PABPC4L: variants seen among roughly 807,000 people sequenced by gnomAD.
The protein encoded by PABPC4L is poly(A) binding protein cytoplasmic 4 like.
For synonymous variants in PABPC4L, 169 were observed against 164.1 expected, an observed-to-expected ratio of 1.03 and a Z score of -0.23; for missense variants, 452 against 451.4, an observed-to-expected ratio of 1.00 and a Z score of -0.01.
the PABPC4L span, among the ~76,000 whole-genome samples, chr4:133,957,563 C>T: frequency 7.6e-4 from 116 of 152,312 alleles, no homozygotes; most frequent in Non-Finnish European, 1.6e-3. Flanking sequence ...CCTCTTCTTA[C>T]AGCCCCACTA....
the PABPC4L span, among the ~76,000 whole-genome samples, chr4:134,180,060 A>G: frequency 1.3e-5 from 2 of 152,130 alleles, no homozygotes; most frequent in African/African-American, 4.8e-5. Context: ...ATACACATCA[A>G]CAGGACTCTT....
chr4:134,089,389 A>G, the PABPC4L span, among the ~76,000 whole-genome samples: 2 of 152,106 alleles, frequency 1.3e-5, no homozygotes, highest in African/African-American at 4.8e-5. Context: ...GATGAACTAC[A>G]TCCACACATC....
At chr4:134,048,521 G>A in the PABPC4L span, among the ~76,000 whole-genome samples, 8 of 152,210 alleles carry the variant, frequency 5.3e-5, no homozygotes, top group African/African-American at 1.9e-4. Context: ...ACAGGTGAGG[G>A]TAGAAGAAAC....
chr4:134,076,534 A>G, the PABPC4L span, among the ~76,000 whole-genome samples: 1 of 152,154 alleles, frequency 6.6e-6, no homozygotes, highest in South Asian at 2.1e-4. Flanking sequence ...GGAGTCAGGA[A>G]AAGGAAGGAG....
At chr4:133,981,850 G>C in the PABPC4L span, among the ~76,000 whole-genome samples, 1 of 151,748 alleles carries the variant, frequency 6.6e-6, no homozygotes, top group Admixed American at 6.6e-5. Flanking sequence ...CAGCTTTTTG[G>C]ATATTACAAA....
the PABPC4L span, among the ~76,000 whole-genome samples, chr4:134,021,534 T>G: frequency 6.6e-6 from 1 of 152,136 alleles, no homozygotes; most frequent in Non-Finnish European, 1.5e-5. Context: ...GGAGCTCCAA[T>G]CAGTTTACAG....
the PABPC4L span, among the ~76,000 whole-genome samples, chr4:134,126,093 C>A: frequency 3.3e-5 from 5 of 151,952 alleles, no homozygotes; most frequent in African/African-American, 9.7e-5. Context: ...ATAACATTAC[C>A]ATTTTATTTC....
At chr4:133,959,435 T>G in the PABPC4L span, among the ~76,000 whole-genome samples, 1 of 152,178 alleles carries the variant, frequency 6.6e-6, no homozygotes, top group Non-Finnish European at 1.5e-5. Context: ...AATGTGAGTA[T>G]GCAAGGGAAG....
chr4:133,953,086 G>A, the PABPC4L span, among the ~76,000 whole-genome samples: 2 of 152,050 alleles, frequency 1.3e-5, no homozygotes, highest in African/African-American at 2.4e-5. Context: ...AAGAACCACT[G>A]ATACCCCTAT....
chr4:134,111,676 C>T, the PABPC4L span, among the ~76,000 whole-genome samples: 178 of 151,950 alleles, frequency 1.2e-3, 2 homozygotes, highest in East Asian at 0.031. Flanking sequence ...TTCTCGTGAT[C>T]GTTAATAAGT....
At chr4:134,169,356 C>T in the PABPC4L span, among the ~76,000 whole-genome samples, 5 of 151,950 alleles carry the variant, frequency 3.3e-5, no homozygotes, top group Non-Finnish European at 7.4e-5. Flanking sequence ...TACTGAAAAA[C>T]TGAAAGCCTT....
chr4:134,054,673 C>T, the PABPC4L span, among the ~76,000 whole-genome samples: 35 of 151,760 alleles, frequency 2.3e-4, no homozygotes, highest in African/African-American at 8.0e-4. Context: ...TTTTTTTCAC[C>T]AAGTATAATG....
the PABPC4L span, among the ~76,000 whole-genome samples, chr4:133,950,371 G>A: frequency 3.9e-5 from 6 of 152,128 alleles, no homozygotes; most frequent in South Asian, 2.1e-4. Flanking sequence ...GTCTTAACCC[G>A]GGAGGTTTTC....
chr4:134,044,421 G>A, the PABPC4L span, among the ~76,000 whole-genome samples: 2 of 151,902 alleles, frequency 1.3e-5, no homozygotes, highest in Admixed American at 6.6e-5. Flanking sequence ...CCGCCACCAC[G>A]CCTGGCTAAT....
chr4:134,098,913 G>C, the PABPC4L span, among the ~76,000 whole-genome samples: 1 of 151,664 alleles, frequency 6.6e-6, no homozygotes, highest in Non-Finnish European at 1.5e-5. Context: ...ACTGAGAACT[G>C]ACTGTCGGAG....
the PABPC4L span, among the ~76,000 whole-genome samples, chr4:134,023,875 A>C: frequency 6.6e-6 from 1 of 152,148 alleles, no homozygotes; most frequent in Non-Finnish European, 1.5e-5. Flanking sequence ...TTTATATTTT[A>C]TTTGGAATAA....
chr4:134,178,642 G>A, the PABPC4L span, among the ~76,000 whole-genome samples: 4 of 151,900 alleles, frequency 2.6e-5, no homozygotes, highest in East Asian at 1.9e-4. Flanking sequence ...AGAAATCTAA[G>A]GATTACAATA....
At chr4:133,952,402 C>CCTTTACTA in the PABPC4L span, among the ~76,000 whole-genome samples, 582 of 152,240 alleles carry the variant, frequency 3.8e-3, 3 homozygotes, top group African/African-American at 0.014. Context: ...CCATAGGGGT[C>CCTTTACTA]AGGCACCACA....
the PABPC4L span, among the ~76,000 whole-genome samples, chr4:134,185,771 G>A: frequency 2.0e-5 from 3 of 152,126 alleles, no homozygotes; most frequent in African/African-American, 4.8e-5. Context: ...TGACATGATT[G>A]TATCTTTAGA....
Sources: gnomAD v4.1 joint callset for allele counts (sites outside exome capture counted in the v4.1 genomes callset) on GRCh38, gnomAD v4.1.1 for gene constraint, MANE v1.5 for transcripts, NCBI Gene and HGNC (gene_info 2026-07-23, HGNC 2026-07-21) for gene names.